MAGI1: variants seen among roughly 807,000 people sequenced by gnomAD.
MAGI1 encodes membrane associated guanylate kinase, WW and PDZ domain containing 1.
A neutral mutation model predicts 139.9 loss-of-function variants in MAGI1; 58 were observed. The observed-to-expected ratio is 0.41, with a 90% confidence interval of 0.34 to 0.52. The LOEUF is 0.52. MAGI1 is among the 20% of genes least tolerant of loss of function. The pLI is 0.12. For missense variants in MAGI1, 1,874 were observed against 1,901.6 expected, an observed-to-expected ratio of 0.99 and a Z score of 0.27; for synonymous variants, 812 against 737.9, an observed-to-expected ratio of 1.10 and a Z score of -1.63.
intron 1 of MAGI1, among the ~76,000 whole-genome samples, chr3:65,797,488 C>A (rs1271240529): frequency 2.0e-5 from 3 of 152,154 alleles, no homozygotes; most frequent in Non-Finnish European, 4.4e-5. Context: ...TTTGAGCAGT[C>A]GAGCCATGCA....
At chr3:65,900,419 C>T (rs1222156203) in intron 1 of MAGI1, among the ~76,000 whole-genome samples, 1 of 152,192 alleles carries the variant, frequency 6.6e-6, no homozygotes, top group African/African-American at 2.4e-5. Flanking sequence ...TTAAAAGAGT[C>T]ATGTATTATT....
Position 65,429,838 on chromosome 3 carries a change from C to T in MAGI1, c.1849G>A (p.Ala617Thr), listed in dbSNP as rs146288848. The change falls in exon 12 of 23, where the codon GCT (alanine) becomes ACT (threonine). Residue 617 changes from alanine to threonine, a missense_variant. Physicochemically the swap from Ala to Thr is moderately conservative, Grantham distance 58 (BLOSUM62 0). This residue lies in a region of MAGI1 where 482 missense variants were observed against 509.6 expected (regional missense o/e 0.95). Coordinates refer to ENST00000402939, the MANE Select transcript of MAGI1 (RefSeq NM_001033057.2). ...DARPSSPADV[A>T]SNSSHGYPND... The stretch of plus-strand genomic sequence containing the variant: ...GGATAACCATGAGAACTATTTGAAG[C>T]CACGTCCGCTGGGCTGCTTGGCCTG... 3.7e-6 allele frequency: 6 copies of T among 1,613,864 alleles called. No individual in the cohort carries two copies. The African/African-American group carries it at 5.3e-5, about 14-fold the overall frequency.
chr3:65,496,231 G>A (rs1309011003), intron 2 of MAGI1, among the ~76,000 whole-genome samples: 2 of 150,010 alleles, frequency 1.3e-5, no homozygotes, highest in Non-Finnish European at 3.0e-5. Context: ...TGTACAAATG[G>A]GGGGTCTCAC....
intron 12 of MAGI1, among the ~76,000 whole-genome samples, chr3:65,425,108 T>TAAAAAAAAAAAAA (rs72030632): frequency 3.0e-5 from 2 of 66,572 alleles, no homozygotes; most frequent in African/African-American, 6.1e-5. Context: ...GTAGAACTTC[T>TAAAAAAAAAAAAA]AAAAAAAAAA....
chr3:65,982,883 G>A (rs182342263), intron 1 of MAGI1, among the ~76,000 whole-genome samples: 1 of 151,876 alleles, frequency 6.6e-6, no homozygotes, highest in Non-Finnish European at 1.5e-5. Flanking sequence ...ATATATTTTT[G>A]TTTGTTTGTT....
intron 1 of MAGI1, among the ~76,000 whole-genome samples, chr3:65,632,235 T>A (rs569165471): frequency 6.6e-6 from 1 of 152,316 alleles, no homozygotes; most frequent in South Asian, 2.1e-4. Context: ...TGGAAGAAAT[T>A]CAGCATCACT....
At chr3:65,825,136 A>C (rs2042154478) in intron 1 of MAGI1, among the ~76,000 whole-genome samples, 1 of 152,246 alleles carries the variant, frequency 6.6e-6, no homozygotes, top group Non-Finnish European at 1.5e-5. Context: ...TTTATCTTTG[A>C]AAATCTAAGC....
chr3:65,745,902 G>C (rs1462710849), intron 1 of MAGI1, among the ~76,000 whole-genome samples: 1 of 152,060 alleles, frequency 6.6e-6, no homozygotes, highest in Non-Finnish European at 1.5e-5. Context: ...CTAATTTTTT[G>C]TATTTTTTAT....
rs56752175 is a variant in MAGI1 at position 65,743,132 on chromosome 3, A to G, written c.314-121044T>C. Reference sequence around the variant, plus strand: ...ATACAAAGATGATTCATACCACATCATCTCATTATCACTCTTGAGATCACT... The same window carrying G: ...ATACAAAGATGATTCATACCACATCGTCTCATTATCACTCTTGAGATCACT... On this transcript the variant is annotated intron_variant, in intron 1 of 22. Transcript: ENST00000402939. Among the ~76,000 whole-genome samples the G allele has an allele frequency of 1.5e-3, 234 of 152,152 alleles. 3 individuals are homozygous for G. Among genetic ancestry groups the G allele is most frequent in the African/African-American group, 5.4e-3 (225 of 41,414 alleles).
At chr3:65,533,329 T>G (rs530202674) in intron 2 of MAGI1, among the ~76,000 whole-genome samples, 55 of 152,316 alleles carry the variant, frequency 3.6e-4, no homozygotes, top group African/African-American at 1.3e-3. Flanking sequence ...GGCTTCATAG[T>G]AACACTGCAA....
chr3:65,691,302 C>CAAAAAAA (rs752329892), intron 1 of MAGI1, among the ~76,000 whole-genome samples: 1 of 74,720 alleles, frequency 1.3e-5, no homozygotes, highest in East Asian at 3.0e-4. Flanking sequence ...GACTCCGTCT[C>CAAAAAAA]AAAAAAAAAA....
chr3:65,510,892 G>C (rs1355103357), intron 2 of MAGI1, among the ~76,000 whole-genome samples: 14 of 144,660 alleles, frequency 9.7e-5, no homozygotes, highest in South Asian at 2.3e-4. Context: ...AAATGTTAAG[G>C]GCAGCCAGAG....
At chr3:65,931,419 C>T (rs2062802375) in intron 1 of MAGI1, among the ~76,000 whole-genome samples, 1 of 152,188 alleles carries the variant, frequency 6.6e-6, no homozygotes, top group Non-Finnish European at 1.5e-5. Flanking sequence ...CTCTTGAGGT[C>T]TAGATCGAGA....
chr3:65,936,607 CT>C (rs1287599174), intron 1 of MAGI1, among the ~76,000 whole-genome samples: 1 of 151,064 alleles, frequency 6.6e-6, no homozygotes, highest in Non-Finnish European at 1.5e-5. Flanking sequence ...AAAAAAAAAT[CT>C]TATGTAGATA....
At chr3:65,766,733 T>TA (rs926248768) in intron 1 of MAGI1, among the ~76,000 whole-genome samples, 81 of 151,858 alleles carry the variant, frequency 5.3e-4, no homozygotes, top group African/African-American at 1.9e-3. Context: ...CTACTAAAAA[T>TA]AAAAAATTAG....
chr3:65,620,695 G>T (rs908538481), intron 2 of MAGI1, among the ~76,000 whole-genome samples: 3 of 152,222 alleles, frequency 2.0e-5, no homozygotes, highest in African/African-American at 7.2e-5. Flanking sequence ...AGGACCACAA[G>T]TTCACATTAA....
chr3:65,366,344 T>G (rs1223298366), intron 18 of MAGI1, among the ~76,000 whole-genome samples: 1 of 152,220 alleles, frequency 6.6e-6, no homozygotes, highest in Non-Finnish European at 1.5e-5. Context: ...ATTATTCTTC[T>G]AGCTAAGGCA....
chr3:65,712,650 T>C (rs2031643645), intron 1 of MAGI1, among the ~76,000 whole-genome samples: 1 of 151,992 alleles, frequency 6.6e-6, no homozygotes, highest in African/African-American at 2.4e-5. Context: ...TGGCCGGGAC[T>C]ACAGGCACAC....
At chr3:65,980,301 G>A (rs994229694) in intron 1 of MAGI1, among the ~76,000 whole-genome samples, 1 of 152,156 alleles carries the variant, frequency 6.6e-6, no homozygotes, top group Non-Finnish European at 1.5e-5. Context: ...GGTAGCTCAC[G>A]CCTATAATCC....
Sources: gnomAD v4.1 joint callset for allele counts (sites outside exome capture counted in the v4.1 genomes callset) on GRCh38, gnomAD v4.1.1 for gene constraint, gnomAD v4.1.1 regional missense constraint, MANE v1.5 for transcripts, NCBI Gene and HGNC (gene_info 2026-07-23, HGNC 2026-07-21) for gene names.